The following LEPR variants were observed in gnomAD, a reference collection of about 807,000 sequenced individuals.
The protein encoded by LEPR is leptin receptor.
LEPR carries 56 observed loss-of-function variants against 114.7 expected under a neutral mutation model. The ratio of observed to expected loss-of-function variants is 0.49; its 90% CI spans 0.39 to 0.61. The LOEUF (loss-of-function observed/expected upper bound fraction) is 0.61, where lower values mean the gene tolerates loss of function less well. LEPR is among the 20% of genes least tolerant of loss of function. LEPR has a pLI of 0.00. For missense variants in LEPR, 1,202 were observed against 1,352.9 expected (o/e 0.89, Z 1.75); for synonymous variants, 443 against 461.4 (o/e 0.96, Z 0.51).
At chr1:65,432,265 G>T in intron 2 of LEPR, 2 of 1,002,094 alleles carry the variant, frequency 2.0e-6, no homozygotes, top group Non-Finnish European at 2.4e-6. Flanking sequence ...GGCAGATAAC[G>T]CTGAAGCAGG....
chr1:65,598,541 A>G, intron 7 of LEPR, 119 bp from the exon 8 acceptor site: 1 of 1,418,968 alleles, frequency 7.0e-7, no homozygotes, highest in Non-Finnish European at 9.6e-7. Context: ...CGCTGTGGCC[A>G]GATAACTACT....
In LEPR at chr1:65,601,872, G is replaced by A; in HGVS notation, c.1315G>A (p.Asp439Asn). Residue 439 changes from aspartate (D) to asparagine (N), a missense_variant, in exon 10 of 20, where the codon GAT becomes AAT. Transcript: ENST00000349533. Reference protein sequence around the residue: ...DVNINISCETDGYLTKMTCRW... With the variant: ...DVNINISCETNGYLTKMTCRW... ...CAATATCAATATCTCATGTGAAACT[G>A]ATGGGTACTTAACTAAAATGACTTG... 6.2e-7 allele frequency: 1 copy of A among 1,613,544 alleles called. No homozygotes were observed. The highest frequency in any genetic ancestry group is 1.1e-5 in the South Asian group (1 of 91,052).
At chr1:65,604,199 C>G (rs1656651982) in intron 10 of LEPR, among the ~76,000 whole-genome samples, 1 of 151,704 alleles carries the variant, frequency 6.6e-6, no homozygotes, top group African/African-American at 2.4e-5. Context: ...TGCTTAGTGT[C>G]TAATGAAATA....
chr1:65,439,151 TC>T (rs1434775964), intron 2 of LEPR, among the ~76,000 whole-genome samples: 1 of 152,166 alleles, frequency 6.6e-6, no homozygotes, highest in Non-Finnish European at 1.5e-5. Context: ...CAGATGTATA[TC>T]CCTCCAGTGA....
chr1:65,492,327 T>C (rs940087871), intron 2 of LEPR, among the ~76,000 whole-genome samples: 7 of 152,148 alleles, frequency 4.6e-5, no homozygotes, highest in Non-Finnish European at 5.9e-5. Flanking sequence ...ATTACCGTTG[T>C]CATTATCTTA....
At chr1:65,496,073 G>T (rs1411292219) in intron 2 of LEPR, among the ~76,000 whole-genome samples, 1 of 152,056 alleles carries the variant, frequency 6.6e-6, no homozygotes, top group African/African-American at 2.4e-5. Context: ...CAAATATAAA[G>T]AAATGATAAA....
chr1:65,443,030 A>G, intron 2 of LEPR, among the ~76,000 whole-genome samples: 1 of 152,226 alleles, frequency 6.6e-6, no homozygotes, highest in East Asian at 1.9e-4. Flanking sequence ...GATTCTGGCA[A>G]TTGGCTGATA....
At chr1:65,549,002 T>G (rs1652037458) in intron 2 of LEPR, among the ~76,000 whole-genome samples, 1 of 152,052 alleles carries the variant, frequency 6.6e-6, no homozygotes, top group Non-Finnish European at 1.5e-5. Context: ...AGGGCAGGCC[T>G]GGTGGTGACA....
chr1:65,551,057 A>C (rs1388960477), intron 2 of LEPR, among the ~76,000 whole-genome samples: 1 of 151,992 alleles, frequency 6.6e-6, no homozygotes, highest in Non-Finnish European at 1.5e-5. Flanking sequence ...TGCATCCTAG[A>C]GATGAAGCCG....
chr1:65,542,448 C>T (rs556370323), intron 2 of LEPR, among the ~76,000 whole-genome samples: 119 of 151,346 alleles, frequency 7.9e-4, no homozygotes, highest in Admixed American at 2.1e-3. Flanking sequence ...GGATGAGAAA[C>T]ATTGTGCCTA....
At chr1:65,539,103 AT>A (rs907396579) in intron 2 of LEPR, among the ~76,000 whole-genome samples, 8 of 109,272 alleles carry the variant, frequency 7.3e-5, no homozygotes, top group South Asian at 3.6e-4. Flanking sequence ...TTAATTATGC[AT>A]TTTTTTTAAA....
chr1:65,437,397 GATAATGTGAT>G (rs1253338498), intron 2 of LEPR, among the ~76,000 whole-genome samples: 1 of 152,048 alleles, frequency 6.6e-6, no homozygotes, highest in Non-Finnish European at 1.5e-5. Flanking sequence ...CTGATGAATG[GATAATGTGAT>G]ATATCCATTC....
At chr1:65,488,210 T>TTCTCTCTCTCTC (rs796597694) in intron 2 of LEPR, among the ~76,000 whole-genome samples, 5 of 25,872 alleles carry the variant, frequency 1.9e-4, no homozygotes, top group African/African-American at 7.2e-4. Context: ...CTTTCTTTCT[T>TTCTCTCTCTCTC]TCTCTCTCTC....
chr1:65,475,006 C>CAAAAAAA (rs1325552861), intron 2 of LEPR, among the ~76,000 whole-genome samples: 7 of 23,896 alleles, frequency 2.9e-4, no homozygotes, highest in South Asian at 2.2e-3. Flanking sequence ...GACTCCATCT[C>CAAAAAAA]AAAAAAAAAA....
chr1:65,553,417 T>C (rs1161078126), intron 2 of LEPR, among the ~76,000 whole-genome samples: 1 of 152,162 alleles, frequency 6.6e-6, no homozygotes, highest in African/African-American at 2.4e-5. Context: ...TTCATTTCTT[T>C]GCATTCTTTT....
chr1:65,552,805 T>C (rs1277321299), intron 2 of LEPR, among the ~76,000 whole-genome samples: 2 of 152,342 alleles, frequency 1.3e-5, no homozygotes, highest in East Asian at 3.9e-4. Flanking sequence ...AGTTTCTTCA[T>C]AGTGTTGATG....
rs1570877274 is a variant in LEPR, at chr1:65,641,310, T to A, written c.*4295T>A. The A allele has an allele frequency of 6.6e-6, 1 of 152,324 alleles. No homozygotes were observed. Among genetic ancestry groups the A allele is most frequent in the African/African-American group, 2.4e-5 (1 of 41,578 alleles). The allele number at this position is 152,324 out of a possible 1,614,324, so 9.4% of individuals were successfully genotyped here. On this transcript the variant is annotated 3_prime_UTR_variant, in exon 20 of 20. Transcript: ENST00000349533. ...TATCTATATTGTAGATATTGTACTT[T>A]TAAAACCTGTCATTAAGTGTTTGGC... is the stretch of plus-strand genomic sequence containing the variant.
intron 2 of LEPR, among the ~76,000 whole-genome samples, chr1:65,481,747 A>T (rs1479161057): frequency 2.0e-5 from 3 of 151,766 alleles, no homozygotes; most frequent in Admixed American, 2.0e-4. Context: ...CCAGGTATGT[A>T]AATATACTTC....
Position 65,482,435 on chromosome 1 carries a change from T to G in LEPR, c.-21+57057T>G, listed in dbSNP as rs182599480. 4.1e-4 allele frequency among the ~76,000 whole-genome samples: 63 copies of G among 152,260 alleles called. 1 individual carries two copies. Among genetic ancestry groups the G allele is most frequent in the African/African-American group, 1.2e-3 (49 of 41,560 alleles). On this transcript the variant is annotated intron_variant, in intron 2 of 19. Coordinates refer to ENST00000349533, the MANE Select transcript of LEPR (RefSeq NM_002303.6). Reference sequence around the variant, plus strand: ...GGTCTGAGAATGACCCAAATTGTCCTGAAAAAGATGAAGCAAATTTTATTA... The same window carrying G: ...GGTCTGAGAATGACCCAAATTGTCCGGAAAAAGATGAAGCAAATTTTATTA...
Sources: allele counts gnomAD v4.1 joint callset (sites outside exome capture counted in the v4.1 genomes callset), GRCh38; gene constraint gnomAD v4.1.1; transcripts MANE v1.5; gene names NCBI Gene and HGNC (gene_info 2026-07-23, HGNC 2026-07-21).